PDE4D: variants seen among roughly 807,000 people sequenced by gnomAD.
The protein encoded by PDE4D is phosphodiesterase 4D.
PDE4D carries 24 observed loss-of-function variants against 87.4 expected under a neutral mutation model. The observed-to-expected ratio is 0.27, with a 90% CI of 0.20 to 0.39. The LOEUF is 0.39. Ranked by LOEUF, PDE4D falls within the 10% of genes least tolerant of loss-of-function variation. PDE4D has a pLI of 1.00. For missense variants in PDE4D, 714 were observed against 1,041.0 expected (o/e 0.69, Z 4.32); for synonymous variants, 384 against 383.2 (o/e 1.00, Z -0.02).
intron 1 of PDE4D, among the ~76,000 whole-genome samples, chr5:59,507,679 A>AAAAAAAAAAAGAAAAGAAAAG (rs61334148): frequency 8.4e-6 from 1 of 118,712 alleles, no homozygotes; most frequent in African/African-American, 3.5e-5. Context: ...AAAAAAAAAA[A>AAAAAAAAAAAGAAAAGAAAAG]AAAAGAAAAG....
intron 1 of PDE4D, among the ~76,000 whole-genome samples, chr5:60,291,692 A>T (rs6880937): frequency 0.19 from 28,374 of 149,676 alleles, 3,317 homozygotes; most frequent in African/African-American, 0.34. Flanking sequence ...AAACAAAATT[A>T]AAAAAAAAAC....
chr5:59,272,453 A>G (rs1431508032), intron 1 of PDE4D, among the ~76,000 whole-genome samples: 1 of 152,140 alleles, frequency 6.6e-6, no homozygotes, highest in Non-Finnish European at 1.5e-5. Flanking sequence ...CAATTCTGCA[A>G]TCAATGAATC....
At chr5:59,463,414 G>A (rs925772362) in intron 1 of PDE4D, among the ~76,000 whole-genome samples, 2 of 152,180 alleles carry the variant, frequency 1.3e-5, no homozygotes, top group African/African-American at 2.4e-5. Context: ...TCTTACCAGC[G>A]AAAGAAAATC....
chr5:59,086,871 G>A (rs1017606675), intron 5 of PDE4D, among the ~76,000 whole-genome samples: 1 of 152,014 alleles, frequency 6.6e-6, no homozygotes, highest in Admixed American at 6.6e-5. Flanking sequence ...CTTAGTTCAA[G>A]CCCTCTTTGT....
intron 1 of PDE4D, among the ~76,000 whole-genome samples, chr5:60,204,224 C>T (rs1337825271): frequency 6.6e-6 from 1 of 151,974 alleles, no homozygotes; most frequent in African/African-American, 2.4e-5. Context: ...CTCTCTATCT[C>T]TCTGTCATCT....
intron 1 of PDE4D, chr5:59,217,318 C>T (rs1156505577): frequency 4.4e-6 from 2 of 454,134 alleles, no homozygotes; most frequent in African/African-American, 2.0e-5. Context: ...ATATTTTCCC[C>T]ATTAGAATCT....
rs188842112 is a variant in PDE4D at position 59,153,182 on chromosome 5, G to A, written c.808+27413C>T. On this transcript the variant is annotated intron_variant, in intron 5 of 14. Coordinates refer to ENST00000340635, the MANE Select transcript of PDE4D (RefSeq NM_001104631.2). The stretch of plus-strand genomic sequence containing the variant: ...GTCAGATCCCAGGCATGACTCCCTA[G>A]TGTTTCCATGAGGCTGAATAAATAG... Among the ~76,000 whole-genome samples the A allele has an allele frequency of 1.4e-3, 218 of 152,284 alleles. 1 individual carries two copies. Among genetic ancestry groups the A allele is most frequent in the African/African-American group, 4.6e-3 (191 of 41,560 alleles).
intron 1 of PDE4D, among the ~76,000 whole-genome samples, chr5:59,395,107 G>T (rs111428012): frequency 0.42 from 63,076 of 151,002 alleles, 13,500 homozygotes; most frequent in East Asian, 0.48. Flanking sequence ...CTGATTGCTA[G>T]CACAGCAGTC....
At position 59,879,741 on chromosome 5, in the gene PDE4D, T is replaced by C. The variant is rs137891207; in HGVS notation, c.455+13427A>G. ...ACTGCTATATGTTATTGTTTTTGGG[T>C]TTTTTTGTTGTTTTTTGAGACGAAA... On this transcript the variant is annotated intron_variant, in intron 1 of 14. Coordinates refer to ENST00000340635, the MANE Select transcript of PDE4D (RefSeq NM_001104631.2). Among the ~76,000 whole-genome samples, 538 of 152,268 alleles carry C rather than the reference T, an allele frequency of 3.5e-3. 4 individuals are homozygous for C. The highest frequency in any genetic ancestry group is 6.1e-3 in the Non-Finnish European group (413 of 67,998).
At chr5:59,569,847 A>C (rs1233583006) in intron 1 of PDE4D, among the ~76,000 whole-genome samples, 1 of 152,128 alleles carries the variant, frequency 6.6e-6, no homozygotes, top group African/African-American at 2.4e-5. Context: ...GCCCAAAAGG[A>C]AGCACAATAT....
intron 3 of PDE4D, among the ~76,000 whole-genome samples, chr5:59,968,591 T>C (rs1237639411): frequency 2.0e-5 from 3 of 152,072 alleles, no homozygotes; most frequent in African/African-American, 7.2e-5. Context: ...TAAAAAAATA[T>C]ATAAAGCTAG....
At chr5:59,324,927 G>T (rs564353393) in intron 1 of PDE4D, among the ~76,000 whole-genome samples, 2 of 152,100 alleles carry the variant, frequency 1.3e-5, no homozygotes, top group South Asian at 4.1e-4. Context: ...ATCTTAGAAG[G>T]CTGCATGGCA....
chr5:59,357,556 G>C (rs1000665219), intron 1 of PDE4D, among the ~76,000 whole-genome samples: 1 of 152,140 alleles, frequency 6.6e-6, no homozygotes, highest in Admixed American at 6.5e-5. Flanking sequence ...AGGAGATGCT[G>C]CGTCACCTTA....
At chr5:59,270,887 C>T (rs1029439607) in intron 1 of PDE4D, among the ~76,000 whole-genome samples, 3 of 152,112 alleles carry the variant, frequency 2.0e-5, no homozygotes, top group Non-Finnish European at 4.4e-5. Context: ...TTTCATCTCA[C>T]GGAATCATTT....
intron 1 of PDE4D, among the ~76,000 whole-genome samples, chr5:60,427,838 G>A (rs62372008): frequency 6.6e-6 from 1 of 152,210 alleles, no homozygotes; most frequent in African/African-American, 2.4e-5. Context: ...TTGGGAGGCA[G>A]AGCAGGGAGG....
chr5:60,298,698 C>T (rs1753631085), intron 1 of PDE4D, among the ~76,000 whole-genome samples: 1 of 152,088 alleles, frequency 6.6e-6, no homozygotes, highest in Admixed American at 6.6e-5. Context: ...CTAATATGTG[C>T]AATTCAATTA....
chr5:60,172,783 C>G (rs1783584941), intron 2 of PDE4D, among the ~76,000 whole-genome samples: 1 of 152,142 alleles, frequency 6.6e-6, no homozygotes, highest in Admixed American at 6.6e-5. Context: ...CCCTGCAGAA[C>G]TTTCTTATAT....
rs1742999698 is a variant in PDE4D at position 58,973,558 on chromosome 5, A to AAAAC, written c.*1102_*1105dup. The AAAAC allele has an allele frequency of 6.6e-6, 1 of 152,660 alleles. No homozygotes were observed. Among genetic ancestry groups the AAAAC allele is most frequent in the Admixed American group, 6.5e-5 (1 of 15,270 alleles). The allele number at this position is 152,660 out of a possible 1,614,324, so 9.5% of individuals were successfully genotyped here. A position where few individuals can be genotyped will look rare whatever the true frequency, so the allele number is the denominator to read the frequency against. On this transcript the variant is annotated 3_prime_UTR_variant, in exon 15 of 15. Transcript: ENST00000340635. ...ACGTTATTAGGAGATACTAAGTAGG[A>AAAAC]AAACATCTAAAAAAGACTGACCATT...
intron 1 of PDE4D, among the ~76,000 whole-genome samples, chr5:59,881,645 C>T (rs1197669458): frequency 6.6e-6 from 1 of 151,936 alleles, no homozygotes; most frequent in African/African-American, 2.4e-5. Flanking sequence ...CCCTGGAGTT[C>T]AATTATTTAT....
Sources: gnomAD v4.1 joint callset for allele counts (sites outside exome capture counted in the v4.1 genomes callset) on GRCh38, gnomAD v4.1.1 for gene constraint, MANE v1.5 for transcripts, NCBI Gene and HGNC (gene_info 2026-07-23, HGNC 2026-07-21) for gene names.